The following DPP4 variants were observed in gnomAD, a reference collection of about 807,000 sequenced individuals.
The protein encoded by DPP4 is ADCP-2.
A neutral mutation model predicts 122.4 loss-of-function variants in DPP4; 93 were observed. The ratio of observed to expected loss-of-function variants is 0.76; its 90% CI spans 0.64 to 0.90. The LOEUF (loss-of-function observed/expected upper bound fraction) is 0.90, where lower values mean the gene tolerates loss of function less well. Among genes scored for constraint, DPP4 ranks in the 40% least tolerant of loss-of-function variants. The pLI, the probability that DPP4 is intolerant of heterozygous loss-of-function variation, is 0.00. For synonymous variants in DPP4, 321 were observed against 302.9 expected, an observed-to-expected ratio of 1.06 and a Z score of -0.62; for missense variants, 914 against 907.3, an observed-to-expected ratio of 1.01 and a Z score of -0.09.
intron 2 of DPP4, among the ~76,000 whole-genome samples, chr2:162,057,618 C>A (rs148385080): frequency 1.3e-5 from 2 of 152,334 alleles, no homozygotes; most frequent in African/African-American, 4.8e-5. Flanking sequence ...GTACCAGTAG[C>A]AGCTAGGGGG....
chr2:162,021,317 T>G lies in DPP4; in HGVS notation c.1069-629A>C, dbSNP rs570908935. Reference sequence around the variant, plus strand: ...TGATCAACAATTTACAAAAAATATTTGTATAGAAATATAGAACAAATTTCC... The same window carrying G: ...TGATCAACAATTTACAAAAAATATTGGTATAGAAATATAGAACAAATTTCC... On this transcript the variant is annotated intron_variant, in intron 12 of 25. Coordinates refer to ENST00000360534, the MANE Select transcript of DPP4 (RefSeq NM_001935.4). The G allele has an allele frequency of 4.6e-5, 7 of 152,316 alleles. No homozygotes were observed. The East Asian group carries it at 1.2e-3, about 25-fold the overall frequency. The allele number at this position is 152,316 out of a possible 1,614,324, so 9.4% of individuals were successfully genotyped here.
At chr2:162,069,308 C>G (rs1685042295) in intron 2 of DPP4, among the ~76,000 whole-genome samples, 1 of 152,142 alleles carries the variant, frequency 6.6e-6, no homozygotes, top group Non-Finnish European at 1.5e-5. Context: ...GCTTGCATGC[C>G]TTCTCTTCCT....
chr2:162,061,968 T>C (rs1269233641), intron 2 of DPP4, among the ~76,000 whole-genome samples: 1 of 152,154 alleles, frequency 6.6e-6, no homozygotes, highest in East Asian at 1.9e-4. Context: ...ATTTGACTTA[T>C]GTTTAAATGT....
intron 10 of DPP4, 130 bp from the exon 11 acceptor site, chr2:162,025,069 T>C: frequency 1.0e-6 from 1 of 970,278 alleles, no homozygotes; most frequent in Admixed American, 3.0e-5. Context: ...TATAAATGGT[T>C]AATGAAACCA....
At chr2:162,016,501 C>T (rs1353010223) in intron 18 of DPP4, among the ~76,000 whole-genome samples, 1 of 152,184 alleles carries the variant, frequency 6.6e-6, no homozygotes, top group Admixed American at 6.5e-5. Flanking sequence ...AATAGAGTCA[C>T]TAATGGGATA....
intron 2 of DPP4, among the ~76,000 whole-genome samples, chr2:162,058,355 A>G (rs1205301373): frequency 6.6e-6 from 1 of 152,200 alleles, no homozygotes; most frequent in Non-Finnish European, 1.5e-5. Flanking sequence ...GGAATGTTAA[A>G]GAAATCTTAG....
chr2:162,051,107 C>T (rs1684366750), intron 2 of DPP4, among the ~76,000 whole-genome samples: 1 of 152,068 alleles, frequency 6.6e-6, no homozygotes, highest in Non-Finnish European at 1.5e-5. Context: ...TCTTCTTTAG[C>T]TAAAGCAACT....
intron 18 of DPP4, among the ~76,000 whole-genome samples, chr2:162,015,979 AAGATCCCAGG>A (rs1308778246): frequency 6.6e-6 from 1 of 152,178 alleles, no homozygotes. Context: ...ATCTTAATAT[AAGATCCCAGG>A]AGACTCACAT....
chr2:162,023,610 C>T (rs1683215042), intron 11 of DPP4, among the ~76,000 whole-genome samples: 2 of 152,216 alleles, frequency 1.3e-5, no homozygotes, highest in Non-Finnish European at 2.9e-5. Flanking sequence ...CTCTATAGCT[C>T]TCCCACATCA....
chr2:162,035,293 C>T lies in DPP4; in HGVS notation c.645G>A (p.Trp215Ter). ...CTAAAAAAGTGCCGTTTGGAGACCA[C>T]CACAGAGCAGAGTAGGCACTGAAGA... ...EEVFSAYSAL[W>*]WSPNGTFLAY... The change falls in exon 9 of 26, where the codon TGG (tryptophan) becomes TGA (stop). Residue 215 changes from tryptophan (W) to a stop codon, truncating the protein, a stop_gained. Coordinates refer to ENST00000360534, the MANE Select transcript of DPP4 (RefSeq NM_001935.4). LOFTEE classifies it high-confidence loss of function. 2 of 1,613,940 alleles carry T rather than the reference C, an allele frequency of 1.2e-6. No homozygotes were observed. Among genetic ancestry groups the T allele is most frequent in the Non-Finnish European group, 8.5e-7 (1 of 1,179,930 alleles).
At chr2:162,069,783 T>C (rs1685056227) in intron 2 of DPP4, among the ~76,000 whole-genome samples, 1 of 152,214 alleles carries the variant, frequency 6.6e-6, no homozygotes, top group African/African-American at 2.4e-5. Context: ...TGCTATCTTT[T>C]CTCTCTGATT....
At chr2:162,025,219 A>G (rs145526827) in intron 10 of DPP4, among the ~76,000 whole-genome samples, 191 of 152,242 alleles carry the variant, frequency 1.3e-3, no homozygotes, top group South Asian at 6.4e-3. Context: ...CGAGCTCAGG[A>G]TTTATCAAGT....
chr2:162,044,822 C>T (rs969339609), intron 5 of DPP4, among the ~76,000 whole-genome samples: 6 of 152,186 alleles, frequency 3.9e-5, no homozygotes, highest in African/African-American at 9.6e-5. Flanking sequence ...GGAATCTTTA[C>T]GATCTGTGGT....
intron 2 of DPP4, among the ~76,000 whole-genome samples, chr2:162,053,161 G>C (rs1258523978): frequency 1.3e-5 from 2 of 152,238 alleles, no homozygotes; most frequent in East Asian, 3.8e-4. Flanking sequence ...GGCAAGTTCA[G>C]AGAGAAAACC....
At chr2:162,015,585 G>T (rs1235136999) in intron 18 of DPP4, among the ~76,000 whole-genome samples, 1 of 152,046 alleles carries the variant, frequency 6.6e-6, no homozygotes, top group Admixed American at 6.6e-5. Flanking sequence ...GGTTTGGGGG[G>T]TTCTTTCTAT....
intron 12 of DPP4, 103 bp from the exon 13 acceptor site, chr2:162,020,791 C>A: frequency 1.5e-6 from 1 of 655,966 alleles, no homozygotes. Context: ...CTCAAAAATC[C>A]ATGCTCCATT....
At chr2:162,062,896 C>T (rs986147027) in intron 2 of DPP4, among the ~76,000 whole-genome samples, 5 of 151,676 alleles carry the variant, frequency 3.3e-5, no homozygotes, top group East Asian at 3.9e-4. Context: ...TACACAGGAG[C>T]GGAGGAGAGG....
At chr2:162,025,988 C>T (rs532487044) in intron 10 of DPP4, among the ~76,000 whole-genome samples, 3 of 152,294 alleles carry the variant, frequency 2.0e-5, no homozygotes, top group African/African-American at 7.2e-5. Context: ...AGCAGAATGC[C>T]TGACTCAACA....
At chr2:162,032,969 G>A (rs1453011266) in intron 10 of DPP4, among the ~76,000 whole-genome samples, 1 of 152,048 alleles carries the variant, frequency 6.6e-6, no homozygotes, top group Non-Finnish European at 1.5e-5. Flanking sequence ...GGCTCTTTGG[G>A]ACCTGACCTT....
Sources: allele counts gnomAD v4.1 joint callset (sites outside exome capture counted in the v4.1 genomes callset), GRCh38; gene constraint gnomAD v4.1.1; transcripts MANE v1.5; gene names NCBI Gene and HGNC (gene_info 2026-07-23, HGNC 2026-07-21).